ZNF652: variants seen among roughly 807,000 people sequenced by gnomAD.
ZNF652 encodes zinc finger protein 652.
In ZNF652, 16 loss-of-function variants were observed where a neutral mutation model predicts 45.2. The ratio of observed to expected loss-of-function variants is 0.35; its 90% confidence interval spans 0.24 to 0.54. ZNF652 has a LOEUF of 0.54. ZNF652 is among the 20% of genes least tolerant of loss of function. The probability of loss-of-function intolerance (pLI) is 0.91; values close to 1 mark genes in which losing one functional copy is unlikely to be tolerated. For missense variants in ZNF652, 614 were observed against 765.6 expected, an observed-to-expected ratio of 0.80 and a Z score of 2.34; for synonymous variants, 250 against 260.6, an observed-to-expected ratio of 0.96 and a Z score of 0.39.
chr17:49,345,720 A>G lies in ZNF652; in HGVS notation c.-259+16189T>C, dbSNP rs1263248714. On this transcript the variant is annotated intron_variant, in intron 1 of 5. Transcript: ENST00000430262. ...GCCGGGCGTGGTGGTGGGTGCCTATAGTCCCAGCTACTCAGGAGGCTGAGG... is the reference window on the plus strand; with the variant it reads ...GCCGGGCGTGGTGGTGGGTGCCTATGGTCCCAGCTACTCAGGAGGCTGAGG... Among the ~76,000 whole-genome samples, 3 of 151,552 alleles carry G rather than the reference A, an allele frequency of 2.0e-5. No individual in the cohort carries two copies. The East Asian group carries it at 5.9e-4, about 30-fold the overall frequency.
chr17:49,312,767 T>C lies in ZNF652; in HGVS notation c.979A>G (p.Lys327Glu). 6.2e-7 allele frequency: 1 copy of C among 1,614,182 alleles called. No homozygotes were observed. Among genetic ancestry groups the C allele is most frequent in the Non-Finnish European group, 8.5e-7 (1 of 1,180,010 alleles). The change falls in exon 3 of 6, where the codon AAG becomes GAG. Residue 327 changes from lysine (K) to glutamate (E), a missense_variant. Physicochemically the swap from Lys to Glu is moderately conservative, Grantham distance 56. This residue lies in a region of ZNF652 where 262 missense variants were observed against 306.3 expected (regional missense o/e 0.86). Transcript: ENST00000430262. ...TCACAAATTTCACAGGAAAATTTCT[T>C]TTCTGCATATCCATGGACGATCTTG... ...HIKIVHGYAE[K>E]KFSCEICEKK...
chr17:49,333,136 C>T (rs1002874689), intron 1 of ZNF652, among the ~76,000 whole-genome samples: 1 of 151,630 alleles, frequency 6.6e-6, no homozygotes, highest in African/African-American at 2.4e-5. Context: ...CAGCTCACTG[C>T]AAGCTCCGTC....
rs1226124406 is a variant in ZNF652, at chr17:49,309,499, C to T, written c.1309+1813G>A. On this transcript the variant is annotated intron_variant, in intron 5 of 5. Coordinates refer to ENST00000430262, the MANE Select transcript of ZNF652 (RefSeq NM_001145365.3). Reference sequence around the variant, plus strand: ...ACTCAGTCTGGGTGACGGAGCAAGACTCCATCTCGGAAAAAAAAAAAAAGA... The same window carrying T: ...ACTCAGTCTGGGTGACGGAGCAAGATTCCATCTCGGAAAAAAAAAAAAAGA... Among the ~76,000 whole-genome samples the T allele has an allele frequency of 6.0e-5, 9 of 150,304 alleles. No homozygotes were observed. In the East Asian group the frequency reaches 1.4e-3, roughly 23 times the overall value.
intron 1 of ZNF652, among the ~76,000 whole-genome samples, chr17:49,336,946 T>TG (rs2070090431): frequency 1.3e-4 from 5 of 38,972 alleles, no homozygotes; most frequent in East Asian, 4.7e-4. Flanking sequence ...AATGGTGTTT[T>TG]TTTTTTTTTT....
chr17:49,359,524 T>C (rs926631084), intron 1 of ZNF652, among the ~76,000 whole-genome samples: 1 of 152,082 alleles, frequency 6.6e-6, no homozygotes, highest in Non-Finnish European at 1.5e-5. Context: ...ATTTTTTAAG[T>C]GAAAAATAAT....
intron 1 of ZNF652, among the ~76,000 whole-genome samples, chr17:49,325,362 T>A (rs2069945736): frequency 6.6e-6 from 1 of 152,208 alleles, no homozygotes; most frequent in African/African-American, 2.4e-5. Context: ...ATATAACATT[T>A]ATCAATTAAG....
intron 1 of ZNF652, among the ~76,000 whole-genome samples, chr17:49,344,589 C>T (rs533244892): frequency 1.0e-4 from 15 of 146,776 alleles, no homozygotes; most frequent in Admixed American, 9.6e-4. Flanking sequence ...GGTGCAATCT[C>T]GGCTCACTGC....
At chr17:49,354,840 C>G (rs1278815775) in intron 1 of ZNF652, among the ~76,000 whole-genome samples, 5 of 152,024 alleles carry the variant, frequency 3.3e-5, no homozygotes, top group African/African-American at 1.2e-4. Context: ...ATTCTCATGC[C>G]TCAGCCTCCC....
At position 49,290,686 on chromosome 17, in the gene ZNF652, CTAAT is replaced by C. The variant is rs1337561100; in HGVS notation, c.*7723_*7726del. On this transcript the variant is annotated 3_prime_UTR_variant, in exon 6 of 6. Coordinates refer to ENST00000430262, the MANE Select transcript of ZNF652 (RefSeq NM_001145365.3). ...TGGGGATCATCAATATGTAAAAAGT[CTAAT>C]TAATTAAGATGCCTGACCCACAAGG... 1 of 152,136 alleles carries C rather than the reference CTAAT, an allele frequency of 6.6e-6. No individual in the cohort carries two copies. Among genetic ancestry groups the C allele is most frequent in the Non-Finnish European group, 1.5e-5 (1 of 68,034 alleles). The allele number at this position is 152,136 out of a possible 1,614,324, so 9.4% of individuals were successfully genotyped here.
chr17:49,357,056 TG>T (rs1173181472), intron 1 of ZNF652, among the ~76,000 whole-genome samples: 1 of 151,318 alleles, frequency 6.6e-6, no homozygotes, highest in Non-Finnish European at 1.5e-5. Context: ...CCCAGCACTT[TG>T]GGAGGCTGAC....
intron 1 of ZNF652, among the ~76,000 whole-genome samples, chr17:49,360,744 C>A (rs2070383635): frequency 6.6e-6 from 1 of 151,954 alleles, no homozygotes; most frequent in South Asian, 2.1e-4. Context: ...GCCTGGCCAT[C>A]CTCTGGAAAA....
chr17:49,298,593 G>C lies in ZNF652; in HGVS notation c.1641C>G (p.Phe547Leu), dbSNP rs1484631683. The change falls in exon 6 of 6, where the codon TTC (phenylalanine) becomes TTG (leucine). Residue 547 changes from phenylalanine (F) to leucine (L), a missense_variant. Physicochemically the swap from Phe to Leu is conservative, Grantham distance 22. Transcript: ENST00000430262. ...TLPPRPIPHP[F>L]SHLHIHPHPH... ...GGTGTGGGTGGATGTGCAGGTGTGA[G>C]AAGGGGTGGGGGATGGGCCGAGGGG... is the stretch of plus-strand genomic sequence containing the variant. 1 of 1,611,908 alleles carries C rather than the reference G, an allele frequency of 6.2e-7. No individual in the cohort carries two copies. The highest frequency in any genetic ancestry group is 2.2e-5 in the East Asian group (1 of 44,812).
chr17:49,325,820 T>A (rs917331732), intron 1 of ZNF652, among the ~76,000 whole-genome samples: 5 of 152,132 alleles, frequency 3.3e-5, no homozygotes, highest in Non-Finnish European at 7.4e-5. Flanking sequence ...AATTTTATTT[T>A]CTTTAATTTT....
intron 1 of ZNF652, among the ~76,000 whole-genome samples, chr17:49,329,984 C>T (rs1328492606): frequency 6.6e-6 from 1 of 152,202 alleles, no homozygotes; most frequent in Non-Finnish European, 1.5e-5. Flanking sequence ...TTAAGCTATA[C>T]CACAGGACCG....
At position 49,337,799 on chromosome 17, in the gene ZNF652, A is replaced by G. The variant is rs1236900692; in HGVS notation, c.-258-19816T>C. On this transcript the variant is annotated intron_variant, in intron 1 of 5. Coordinates refer to ENST00000430262, the MANE Select transcript of ZNF652 (RefSeq NM_001145365.3). ...TTATACACTAAGCGCTGTCTGTCCA[A>G]TTCCTACATTCTATTCATGCATTTA... is the stretch of plus-strand genomic sequence containing the variant. 5.3e-5 allele frequency among the ~76,000 whole-genome samples: 8 copies of G among 152,134 alleles called. No individual in the cohort carries two copies. The East Asian group carries it at 1.5e-3, about 29-fold the overall frequency.
intron 1 of ZNF652, among the ~76,000 whole-genome samples, chr17:49,334,049 A>G (rs901682243): frequency 2.6e-5 from 4 of 152,244 alleles, no homozygotes; most frequent in Admixed American, 1.3e-4. Flanking sequence ...AACCAAAAAC[A>G]TGTTCATACG....
Position 49,360,908 on chromosome 17 carries a change from G to A in ZNF652, c.-259+1001C>T, listed in dbSNP as rs147689087. ...CACTCAGGTGTTCCTGAGGGTCCAC[G>A]GGAGATGCATGTAAGGGATACACTA... On this transcript the variant is annotated intron_variant, in intron 1 of 5. Coordinates refer to ENST00000430262, the MANE Select transcript of ZNF652 (RefSeq NM_001145365.3). 1.8e-3 allele frequency among the ~76,000 whole-genome samples: 272 copies of A among 152,248 alleles called. 2 individuals carry two copies. Among genetic ancestry groups the A allele is most frequent in the East Asian group, 0.011 (55 of 5,196 alleles).
rs182512181 is a variant in ZNF652, at chr17:49,351,143, G to C, written c.-259+10766C>G. ...CTCGGTAAAGACTACCAATTAGCAA[G>C]TTGACTTGGGTTTTTCACCAGAATC... On this transcript the variant is annotated intron_variant, in intron 1 of 5. Coordinates refer to ENST00000430262, the MANE Select transcript of ZNF652 (RefSeq NM_001145365.3). 4.4e-3 allele frequency among the ~76,000 whole-genome samples: 664 copies of C among 151,104 alleles called. 4 individuals are homozygous for C. Among genetic ancestry groups the C allele is most frequent in the African/African-American group, 0.014 (580 of 41,200 alleles).
chr17:49,345,264 G>A (rs1361819940), intron 1 of ZNF652, among the ~76,000 whole-genome samples: 3 of 149,274 alleles, frequency 2.0e-5, no homozygotes, highest in Non-Finnish European at 3.0e-5. Flanking sequence ...GGGCAGTGGC[G>A]CAATCTCGGC....
Sources: gnomAD v4.1 joint callset for allele counts (sites outside exome capture counted in the v4.1 genomes callset) on GRCh38, gnomAD v4.1.1 for gene constraint, gnomAD v4.1.1 regional missense constraint, MANE v1.5 for transcripts, NCBI Gene and HGNC (gene_info 2026-07-23, HGNC 2026-07-21) for gene names.